The following FNIP2 variants were observed in gnomAD, a reference collection of about 807,000 sequenced individuals.
FNIP2 encodes folliculin-interacting protein 2.
FNIP2 carries 32 observed loss-of-function variants against 108.7 expected under a neutral mutation model. The ratio of observed to expected loss-of-function variants is 0.29; its 90% CI spans 0.22 to 0.40. FNIP2 has a LOEUF of 0.40. Among genes scored for constraint, FNIP2 ranks in the 10% least tolerant of loss-of-function variants. The pLI is 1.00. For synonymous variants in FNIP2, 480 were observed against 496.7 expected, an observed-to-expected ratio of 0.97 and a Z score of 0.45; for missense variants, 1,202 against 1,381.6, an observed-to-expected ratio of 0.87 and a Z score of 2.06.
Position 158,905,430 on chromosome 4 carries a change from G to A in FNIP2, c.*886G>A, listed in dbSNP as rs1397792292. The A allele has an allele frequency of 6.6e-6, 1 of 152,140 alleles. No homozygotes were observed. The highest frequency in any genetic ancestry group is 1.5e-5 in the Non-Finnish European group (1 of 68,024). 9.4% of individuals were successfully genotyped at this position (152,140 alleles called of 1,614,324 possible). A position where few individuals can be genotyped will look rare whatever the true frequency, so the allele number is the denominator to read the frequency against. On this transcript the variant is annotated 3_prime_UTR_variant, in exon 17 of 17. Transcript: ENST00000264433. ...CGGTTGGTAAGTTCTTCCAGCTGAA[G>A]CCACTTTTTCCTTATAGTTAATACA...
intron 7 of FNIP2, among the ~76,000 whole-genome samples, chr4:158,845,953 T>C (rs574842249): frequency 8.0e-4 from 122 of 152,302 alleles, no homozygotes; most frequent in South Asian, 7.2e-3. Context: ...TTCTCTTTGA[T>C]TTTTTGCCTT....
intron 12 of FNIP2, among the ~76,000 whole-genome samples, chr4:158,867,162 T>C (rs1022513568): frequency 3.3e-5 from 5 of 152,144 alleles, no homozygotes; most frequent in African/African-American, 1.2e-4. Context: ...GATATATAAC[T>C]AATGGGACAT....
At chr4:158,871,124 C>G (rs1780922551) in intron 14 of FNIP2, among the ~76,000 whole-genome samples, 1 of 152,164 alleles carries the variant, frequency 6.6e-6, no homozygotes, top group Admixed American at 6.5e-5. Flanking sequence ...ACTTTGATGG[C>G]TGCATGAGGA....
intron 14 of FNIP2, among the ~76,000 whole-genome samples, chr4:158,890,752 C>T (rs1477185524): frequency 6.6e-6 from 1 of 152,140 alleles, no homozygotes. Flanking sequence ...TTCCAGGAAC[C>T]ATGGACTACT....
At chr4:158,854,025 T>A (rs889419904) in intron 8 of FNIP2, among the ~76,000 whole-genome samples, 23 of 152,360 alleles carry the variant, frequency 1.5e-4, no homozygotes, top group Middle Eastern at 3.4e-3. Context: ...GAAAACAGTG[T>A]ATTTTTTTGT....
chr4:158,872,751 TAAA>T, intron 14 of FNIP2: 10 of 752,514 alleles, frequency 1.3e-5, no homozygotes, highest in Non-Finnish European at 1.6e-5. Context: ...TTTTTTTTTT[TAAA>T]AAACAGGCTT....
chr4:158,907,301 C>T lies in FNIP2; in HGVS notation c.*2757C>T, dbSNP rs1006393987. On this transcript the variant is annotated 3_prime_UTR_variant, in exon 17 of 17. Transcript: ENST00000264433. ...AGTGTTAAATAGCTTTTTGTACAGGCTTCAATCCATTTTTCGAAGTGTGCT... is the reference window on the plus strand; with the variant it reads ...AGTGTTAAATAGCTTTTTGTACAGGTTTCAATCCATTTTTCGAAGTGTGCT... 2.0e-5 allele frequency: 3 copies of T among 152,096 alleles called. No individual in the cohort carries two copies. Among genetic ancestry groups the T allele is most frequent in the Non-Finnish European group, 4.4e-5 (3 of 68,016 alleles). 9.4% of individuals were successfully genotyped at this position (152,096 alleles called of 1,614,324 possible). A position where few individuals can be genotyped will look rare whatever the true frequency, so the allele number is the denominator to read the frequency against.
intron 1 of FNIP2, among the ~76,000 whole-genome samples, chr4:158,801,531 T>TA (rs1776763073): frequency 6.6e-6 from 1 of 152,212 alleles, no homozygotes; most frequent in Non-Finnish European, 1.5e-5. Flanking sequence ...TGCCTGGATT[T>TA]AAGGCCTGGC....
chr4:158,900,473 G>A (rs1729118957), intron 16 of FNIP2, among the ~76,000 whole-genome samples: 1 of 152,182 alleles, frequency 6.6e-6, no homozygotes, highest in Non-Finnish European at 1.5e-5. Flanking sequence ...GGGAGCCTAA[G>A]TCTCTTTGTA....
chr4:158,891,310 A>G (rs577068349), intron 14 of FNIP2, 136 bp from the exon 15 acceptor site: 2 of 719,096 alleles, frequency 2.8e-6, no homozygotes, highest in Non-Finnish European at 4.5e-6. Flanking sequence ...ATAATTTACC[A>G]GTTGTTAAAT....
chr4:158,804,212 G>A (rs1273855262), intron 1 of FNIP2, among the ~76,000 whole-genome samples: 1 of 152,070 alleles, frequency 6.6e-6, no homozygotes, highest in Non-Finnish European at 1.5e-5. Flanking sequence ...AAAATGCTGG[G>A]ATTATAGGTG....
intron 8 of FNIP2, among the ~76,000 whole-genome samples, chr4:158,854,390 C>A (rs1040681717): frequency 6.6e-6 from 1 of 152,228 alleles, no homozygotes. Flanking sequence ...ACCACAGTCA[C>A]AGCCATTAGT....
chr4:158,771,878 C>G (rs1200257525), intron 1 of FNIP2, among the ~76,000 whole-genome samples: 2 of 152,202 alleles, frequency 1.3e-5, no homozygotes, highest in Non-Finnish European at 1.5e-5. Flanking sequence ...CTCTTGTGCA[C>G]TTCCTAGTCC....
chr4:158,872,677 T>C (rs1020732247), intron 14 of FNIP2: 1 of 985,026 alleles, frequency 1.0e-6, no homozygotes, highest in African/African-American at 1.7e-5. Flanking sequence ...TTCATCATAA[T>C]GAATTTTGCT....
intron 8 of FNIP2, among the ~76,000 whole-genome samples, chr4:158,854,226 C>T (rs1420485451): frequency 6.6e-6 from 1 of 152,214 alleles, no homozygotes; most frequent in Non-Finnish European, 1.5e-5. Context: ...GTGCTCAGGT[C>T]ATAGAGTTAA....
chr4:158,829,144 C>T lies in FNIP2; in HGVS notation c.300C>T (p.Ser100=). The change falls in exon 3 of 17, where the codon AGC becomes AGT. Residue 100 remains serine (S), a synonymous_variant. Transcript: ENST00000264433. ...GCCAGGGAAGCAGCAGTGTCAGCAG[C>T]AGTAGCAGCAGCAGCATCTCTTCCC... ...KCCQGSSSVS[S]SSSSSISSHS... The T allele has an allele frequency of 1.2e-6, 2 of 1,612,852 alleles. No homozygotes were observed. Among genetic ancestry groups the T allele is most frequent in the Non-Finnish European group, 1.7e-6 (2 of 1,179,370 alleles).
intron 14 of FNIP2, among the ~76,000 whole-genome samples, chr4:158,878,684 G>A (rs561524745): frequency 8.5e-5 from 13 of 152,212 alleles, no homozygotes; most frequent in Middle Eastern, 3.4e-3. Flanking sequence ...ACATATGTGG[G>A]AAACCAGGAA....
intron 1 of FNIP2, among the ~76,000 whole-genome samples, chr4:158,809,481 CTT>C (rs1400563061): frequency 6.6e-6 from 1 of 152,170 alleles, no homozygotes; most frequent in Non-Finnish European, 1.5e-5. Context: ...TCTAGTGACT[CTT>C]AAATATGATG....
chr4:158,875,603 C>A (rs914223218), intron 14 of FNIP2, among the ~76,000 whole-genome samples: 1 of 148,310 alleles, frequency 6.7e-6, no homozygotes, highest in Admixed American at 6.7e-5. Flanking sequence ...AAAAGAACAG[C>A]AAGTCCCTTC....
Sources: allele counts gnomAD v4.1 joint callset (sites outside exome capture counted in the v4.1 genomes callset), GRCh38; gene constraint gnomAD v4.1.1; transcripts MANE v1.5; gene names NCBI Gene and HGNC (gene_info 2026-07-23, HGNC 2026-07-21).